PINX1: variants seen among roughly 807,000 people sequenced by gnomAD.
PINX1 encodes PIN2 (TERF1) interacting telomerase inhibitor 1, also known as PIN2/TERF1-interacting telomerase inhibitor 1.
Under a neutral mutation model 25.4 loss-of-function variants are expected in PINX1, and 34 were observed. The ratio of observed to expected loss-of-function variants is 1.34; its 90% CI spans 1.02 to 1.78. PINX1 has a LOEUF of 1.78. Ranked by LOEUF, PINX1 falls within the 40% of genes most tolerant of loss-of-function variation. The pLI is 0.00. For synonymous variants in PINX1, 197 were observed against 147.7 expected, an observed-to-expected ratio of 1.33 and a Z score of -2.42; for missense variants, 592 against 404.9, an observed-to-expected ratio of 1.46 and a Z score of -3.97.
At chr8:10,781,753 T>C (rs1801593297) in intron 6 of PINX1, among the ~76,000 whole-genome samples, 1 of 93,146 alleles carries the variant, frequency 1.1e-5, no homozygotes, top group African/African-American at 6.1e-5. Flanking sequence ...CAGATTGGCA[T>C]ACCCTCAAAG....
Position 10,839,819 on chromosome 8 carries a change from G to T in PINX1, c.-63C>A. The T allele has an allele frequency of 6.7e-7, 1 of 1,493,750 alleles. No individual in the cohort carries two copies. The highest frequency in any genetic ancestry group is 1.2e-5 in the South Asian group (1 of 83,084). 92.5% of individuals were successfully genotyped at this position (1,493,750 alleles called of 1,614,324 possible). A position where few individuals can be genotyped will look rare whatever the true frequency, so the allele number is the denominator to read the frequency against. On this transcript the variant is annotated 5_prime_UTR_variant, in exon 1 of 7. Transcript: ENST00000314787. ...GTGACTGCGGCCACTGGGCGGGCTG[G>T]AGACTCCAGGAGAATCAGGACGTGC...
At chr8:10,767,419 A>G (rs921090368) in intron 6 of PINX1, among the ~76,000 whole-genome samples, 9 of 152,158 alleles carry the variant, frequency 5.9e-5, no homozygotes, top group Non-Finnish European at 1.2e-4. Context: ...AAAAAAAAAA[A>G]TCATGTGGTC....
intron 6 of PINX1, among the ~76,000 whole-genome samples, chr8:10,781,069 T>G (rs1801570312): frequency 6.6e-6 from 1 of 152,184 alleles, no homozygotes; most frequent in African/African-American, 2.4e-5. Context: ...TCAACTAATT[T>G]TTGACAAGAG....
At chr8:10,837,712 C>T (rs1798445484) in intron 1 of PINX1, among the ~76,000 whole-genome samples, 1 of 152,140 alleles carries the variant, frequency 6.6e-6, no homozygotes, top group Non-Finnish European at 1.5e-5. Flanking sequence ...AAAAACCATC[C>T]ACACAACAGC....
intron 6 of PINX1, among the ~76,000 whole-genome samples, chr8:10,806,482 C>T (rs75836742): frequency 0.23 from 35,685 of 152,138 alleles, 4,315 homozygotes; most frequent in East Asian, 0.34. Flanking sequence ...TTCCCACCCC[C>T]CTCACATGTA....
intron 6 of PINX1, among the ~76,000 whole-genome samples, chr8:10,808,800 A>G (rs960035422): frequency 3.3e-5 from 5 of 152,238 alleles, no homozygotes; most frequent in African/African-American, 1.2e-4. Context: ...TCTGACATGA[A>G]TAAGTAGGAA....
At chr8:10,775,491 A>G (rs1801364701) in intron 6 of PINX1, among the ~76,000 whole-genome samples, 1 of 144,490 alleles carries the variant, frequency 6.9e-6, no homozygotes, top group African/African-American at 2.5e-5. Context: ...AGATTTTTAT[A>G]AAGTTAAAAA....
chr8:10,782,172 G>A (rs548864313), intron 6 of PINX1, among the ~76,000 whole-genome samples: 4 of 152,176 alleles, frequency 2.6e-5, no homozygotes, highest in African/African-American at 7.2e-5. Flanking sequence ...GGAGCAGGGT[G>A]GGGGATAGAA....
chr8:10,801,632 G>A (rs1586169621), intron 6 of PINX1, among the ~76,000 whole-genome samples: 3 of 152,304 alleles, frequency 2.0e-5, no homozygotes, highest in African/African-American at 7.2e-5. Flanking sequence ...TTTCCAGTGT[G>A]ATCCAAAGTC....
intron 5 of PINX1, chr8:10,825,302 C>G: frequency 5.6e-6 from 3 of 533,588 alleles, no homozygotes; most frequent in South Asian, 4.2e-5. Context: ...CAGAGATGTG[C>G]TGTTCCTGGC....
intron 6 of PINX1, among the ~76,000 whole-genome samples, chr8:10,809,874 C>T (rs1163993788): frequency 6.6e-6 from 1 of 152,188 alleles, no homozygotes; most frequent in African/African-American, 2.4e-5. Flanking sequence ...ATACGTGAGG[C>T]TGGGTAATTT....
chr8:10,813,114 G>GA (rs1797587668), intron 6 of PINX1, among the ~76,000 whole-genome samples: 2 of 152,182 alleles, frequency 1.3e-5, no homozygotes, highest in Admixed American at 6.5e-5. Context: ...TCACTGTTGG[G>GA]AAAAAATGAA....
At chr8:10,808,349 G>C (rs1218714337) in intron 6 of PINX1, among the ~76,000 whole-genome samples, 1 of 152,158 alleles carries the variant, frequency 6.6e-6, no homozygotes. Context: ...GTAGGGAGGA[G>C]GCTTGTGAGG....
intron 6 of PINX1, among the ~76,000 whole-genome samples, chr8:10,796,324 C>G (rs980631049): frequency 6.6e-6 from 1 of 152,008 alleles, no homozygotes; most frequent in African/African-American, 2.4e-5. Flanking sequence ...GGGAAATGGA[C>G]AATAAAAGAG....
chr8:10,767,673 C>G (rs1801096991), intron 6 of PINX1, among the ~76,000 whole-genome samples: 1 of 152,246 alleles, frequency 6.6e-6, no homozygotes, highest in Admixed American at 6.5e-5. Flanking sequence ...GAGCCAATCC[C>G]AGGCTCATGA....
chr8:10,778,450 G>A (rs142052923), intron 6 of PINX1, among the ~76,000 whole-genome samples: 1 of 152,094 alleles, frequency 6.6e-6, no homozygotes, highest in Non-Finnish European at 1.5e-5. Context: ...CCGTGGCATA[G>A]GTTAACACAT....
intron 2 of PINX1, chr8:10,834,317 C>G (rs1400479011): frequency 1.0e-5 from 2 of 197,590 alleles, no homozygotes; most frequent in African/African-American, 4.7e-5. Context: ...AAGCGGCCCA[C>G]TGATTTGGCA....
At chr8:10,828,560 CG>C (rs1221314942) in intron 4 of PINX1, among the ~76,000 whole-genome samples, 2 of 152,192 alleles carry the variant, frequency 1.3e-5, no homozygotes, top group Non-Finnish European at 2.9e-5. Context: ...AGCACCACGC[CG>C]TGCCCTCACA....
chr8:10,795,125 G>T (rs1802046513), intron 6 of PINX1, among the ~76,000 whole-genome samples: 1 of 152,176 alleles, frequency 6.6e-6, no homozygotes. Context: ...AAAATTCTAA[G>T]ATTAATTCAT....
Sources: gnomAD v4.1 joint callset for allele counts (sites outside exome capture counted in the v4.1 genomes callset) on GRCh38, gnomAD v4.1.1 for gene constraint, MANE v1.5 for transcripts, NCBI Gene and HGNC (gene_info 2026-07-23, HGNC 2026-07-21) for gene names.